The following SLC35F1 variants were observed in gnomAD, a reference collection of about 807,000 sequenced individuals.
SLC35F1 encodes the protein solute carrier family 35 member F1, also known as chromosome 6 open reading frame 169.
SLC35F1 carries 14 observed loss-of-function variants against 48.7 expected under a neutral mutation model. That is an observed-to-expected ratio of 0.29 (90% CI 0.19 to 0.45). SLC35F1 has a LOEUF of 0.45. SLC35F1 is among the 20% of genes least tolerant of loss of function. The pLI, the probability that SLC35F1 is intolerant of heterozygous loss-of-function variation, is 1.00. For synonymous variants in SLC35F1, 190 were observed against 202.2 expected (o/e 0.94, Z 0.51); for missense variants, 404 against 500.0 (o/e 0.81, Z 1.83).
chr6:118,024,458 G>C (rs1356610211), intron 1 of SLC35F1, among the ~76,000 whole-genome samples: 1 of 152,148 alleles, frequency 6.6e-6, no homozygotes, highest in Non-Finnish European at 1.5e-5. Flanking sequence ...AAGGATGGTT[G>C]TGAAAATTAA....
chr6:118,143,924 T>G (rs1286639067), intron 1 of SLC35F1, among the ~76,000 whole-genome samples: 1 of 152,130 alleles, frequency 6.6e-6, no homozygotes, highest in Non-Finnish European at 1.5e-5. Flanking sequence ...AACTTTTCAT[T>G]TGACTATACC....
At chr6:118,241,335 C>T (rs1775438009) in intron 3 of SLC35F1, among the ~76,000 whole-genome samples, 1 of 152,138 alleles carries the variant, frequency 6.6e-6, no homozygotes. Flanking sequence ...TCCTCTTGCC[C>T]TTTCAGTTTC....
chr6:118,221,094 G>C (rs1352285199), intron 2 of SLC35F1, among the ~76,000 whole-genome samples: 3 of 151,924 alleles, frequency 2.0e-5, no homozygotes, highest in East Asian at 3.9e-4. Context: ...AGATATTACT[G>C]TGTCCAGCTG....
chr6:118,035,006 T>C (rs1435117262), intron 1 of SLC35F1, among the ~76,000 whole-genome samples: 2 of 152,216 alleles, frequency 1.3e-5, no homozygotes, highest in Non-Finnish European at 1.5e-5. Flanking sequence ...CAAAACCACC[T>C]GGGCTTGGAA....
intron 1 of SLC35F1, among the ~76,000 whole-genome samples, chr6:118,030,710 G>T (rs1332261705): frequency 6.6e-6 from 1 of 152,082 alleles, no homozygotes; most frequent in Non-Finnish European, 1.5e-5. Context: ...ATTTGTTGGA[G>T]ATCTTTCTGC....
chr6:118,286,566 G>C (rs752033505), intron 7 of SLC35F1, among the ~76,000 whole-genome samples: 5 of 152,132 alleles, frequency 3.3e-5, no homozygotes, highest in African/African-American at 4.8e-5. Flanking sequence ...CTGAGAGATG[G>C]TACAAGTTGA....
At chr6:118,112,077 T>TTC (rs1491134042) in intron 1 of SLC35F1, among the ~76,000 whole-genome samples, 4 of 135,252 alleles carry the variant, frequency 3.0e-5, no homozygotes, top group African/African-American at 1.2e-4. Context: ...TCTTTTTCTT[T>TTC]ATTTCTTTCT....
chr6:117,931,146 C>T (rs896405588), intron 1 of SLC35F1, among the ~76,000 whole-genome samples: 3 of 152,110 alleles, frequency 2.0e-5, no homozygotes, highest in African/African-American at 7.2e-5. Flanking sequence ...TAGGAGGTTA[C>T]CACACCCTAT....
chr6:118,057,618 G>A (rs546856491), intron 1 of SLC35F1, among the ~76,000 whole-genome samples: 1 of 152,262 alleles, frequency 6.6e-6, no homozygotes, highest in East Asian at 1.9e-4. Context: ...TTGATATTTG[G>A]GTTAATGAGG....
chr6:118,089,568 T>C (rs62421350), intron 1 of SLC35F1, among the ~76,000 whole-genome samples: 21,719 of 152,216 alleles, frequency 0.14, 2,021 homozygotes, highest in South Asian at 0.31. Context: ...CAACTAATGG[T>C]AAACTAATGA....
intron 1 of SLC35F1, among the ~76,000 whole-genome samples, chr6:118,136,966 C>T (rs1487290339): frequency 6.6e-6 from 1 of 152,186 alleles, no homozygotes; most frequent in Non-Finnish European, 1.5e-5. Flanking sequence ...ATATCCATTC[C>T]TTTATAGCTA....
At chr6:118,239,788 A>G (rs145009653) in intron 3 of SLC35F1, among the ~76,000 whole-genome samples, 124 of 152,270 alleles carry the variant, frequency 8.1e-4, no homozygotes, top group African/African-American at 2.8e-3. Flanking sequence ...TGAAATATCA[A>G]TTAGTCCTCA....
At chr6:118,116,390 T>C (rs1351102217) in intron 1 of SLC35F1, among the ~76,000 whole-genome samples, 1 of 152,206 alleles carries the variant, frequency 6.6e-6, no homozygotes, top group East Asian at 1.9e-4. Context: ...GAGTCTAGTT[T>C]GAAGATCCCT....
chr6:118,061,530 G>A (rs973172570), intron 1 of SLC35F1, among the ~76,000 whole-genome samples: 2 of 149,956 alleles, frequency 1.3e-5, no homozygotes, highest in Non-Finnish European at 3.0e-5. Flanking sequence ...CATAGCTGTA[G>A]GTATAAACAT....
chr6:118,194,141 C>T (rs1264955976), intron 2 of SLC35F1, among the ~76,000 whole-genome samples: 2 of 152,052 alleles, frequency 1.3e-5, no homozygotes, highest in African/African-American at 4.8e-5. Flanking sequence ...TTTCATTTGC[C>T]AGTTTTGAAG....
intron 1 of SLC35F1, among the ~76,000 whole-genome samples, chr6:117,978,365 G>A (rs192275210): frequency 4.6e-5 from 7 of 151,970 alleles, no homozygotes; most frequent in African/African-American, 1.7e-4. Flanking sequence ...CTGTCACAGA[G>A]TCCAGGTCCC....
At chr6:118,150,413 G>A (rs894543226) in intron 1 of SLC35F1, among the ~76,000 whole-genome samples, 1 of 152,030 alleles carries the variant, frequency 6.6e-6, no homozygotes, top group East Asian at 1.9e-4. Flanking sequence ...CTATATTGGC[G>A]CATATACATA....
At chr6:118,116,325 T>C (rs761136556) in intron 1 of SLC35F1, among the ~76,000 whole-genome samples, 4 of 152,186 alleles carry the variant, frequency 2.6e-5, no homozygotes, top group Non-Finnish European at 5.9e-5. Context: ...CAGAAATAGA[T>C]TGCCTTCAAA....
Position 118,138,002 on chromosome 6 carries a change from C to A in SLC35F1, c.174-16443C>A, listed in dbSNP as rs555765589. Among the ~76,000 whole-genome samples the A allele has an allele frequency of 1.1e-3, 170 of 152,192 alleles. 4 individuals carry two copies. The South Asian group carries it at 0.033, about 30-fold the overall frequency. ...CTGCCTAATAGAAACTATTCAGATG[C>A]CAGGATATTCCAACCTTAGGGGAGG... On this transcript the variant is annotated intron_variant, in intron 1 of 7. Coordinates refer to ENST00000360388, the MANE Select transcript of SLC35F1 (RefSeq NM_001029858.4).
Sources: allele counts gnomAD v4.1 joint callset (sites outside exome capture counted in the v4.1 genomes callset), GRCh38; gene constraint gnomAD v4.1.1; transcripts MANE v1.5; gene names NCBI Gene and HGNC (gene_info 2026-07-23, HGNC 2026-07-21).